Variants in ABCA5 observed in about 807,000 individuals in gnomAD.
ABCA5 encodes cholesterol transporter ABCA5.
Under a neutral mutation model 206.0 loss-of-function variants are expected in ABCA5, and 163 were observed. The observed-to-expected ratio is 0.79, with a 90% CI of 0.70 to 0.90. The LOEUF (loss-of-function observed/expected upper bound fraction) is 0.90, where lower values mean the gene tolerates loss of function less well. ABCA5 is among the 40% of genes least tolerant of loss of function. The probability of loss-of-function intolerance (pLI) is 0.00; values close to 1 mark genes in which losing one functional copy is unlikely to be tolerated. For missense variants in ABCA5, 1,859 were observed against 1,912.9 expected, an observed-to-expected ratio of 0.97 and a Z score of 0.53; for synonymous variants, 609 against 613.8, an observed-to-expected ratio of 0.99 and a Z score of 0.11.
chr17:69,269,377 T>C (rs1361579333), intron 22 of ABCA5, among the ~76,000 whole-genome samples: 2 of 152,310 alleles, frequency 1.3e-5, no homozygotes, highest in South Asian at 2.1e-4. Context: ...ATTTGGATAG[T>C]AGGTGGTTCG....
At position 69,297,336 on chromosome 17, in the gene ABCA5, A is replaced by T. The variant is rs764428679; in HGVS notation, c.1291T>A (p.Ser431Thr). 6.2e-7 allele frequency: 1 copy of T among 1,602,940 alleles called. No individual in the cohort carries two copies. Among genetic ancestry groups the T allele is most frequent in the Non-Finnish European group, 8.5e-7 (1 of 1,177,334 alleles). Residue 431 changes from serine to threonine, a missense_variant, in exon 10 of 39, where the codon TCT becomes ACT. Transcript: ENST00000392676. ...TATGAAGGCTTCAGAAAATATAAAGATGATCTCCGTAAGCCAAATTCCCCT... is the reference window on the plus strand; with the variant it reads ...TATGAAGGCTTCAGAAAATATAAAGTTGATCTCCGTAAGCCAAATTCCCCT... ...IPGEFGLRRS[S>T]LYFLKPSYWS...
chr17:69,305,123 C>G (rs1196820113), intron 6 of ABCA5, among the ~76,000 whole-genome samples: 2 of 152,088 alleles, frequency 1.3e-5, no homozygotes, highest in Non-Finnish European at 2.9e-5. Flanking sequence ...CACACAATGT[C>G]TCTGATTTTC....
At chr17:69,290,876 T>C (rs982623636) in intron 12 of ABCA5, among the ~76,000 whole-genome samples, 12 of 152,272 alleles carry the variant, frequency 7.9e-5, no homozygotes, top group Middle Eastern at 3.4e-3. Context: ...ATTTAGATAT[T>C]TGTGTTTATT....
At chr17:69,314,503 A>C in intron 1 of ABCA5, 73 bp from the exon 2 acceptor site, 1 of 878,264 alleles carries the variant, frequency 1.1e-6, no homozygotes, top group Non-Finnish European at 1.9e-6. Flanking sequence ...TAACGGCAAA[A>C]TAAGCAGCTG....
intron 10 of ABCA5, among the ~76,000 whole-genome samples, 159 bp downstream of exon 10, chr17:69,297,032 G>C (rs2075590868): frequency 6.6e-6 from 1 of 152,014 alleles, no homozygotes; most frequent in Admixed American, 6.6e-5. Flanking sequence ...TGGTTGCAAA[G>C]AAAATAAGAA....
intron 1 of ABCA5, among the ~76,000 whole-genome samples, chr17:69,319,619 A>G (rs2075846515): frequency 6.6e-6 from 1 of 152,210 alleles, no homozygotes; most frequent in Non-Finnish European, 1.5e-5. Flanking sequence ...AGTCAAGGAA[A>G]CTGAATTACA....
chr17:69,293,865 TGTGTGTGCGTG>T (rs1567771833), intron 11 of ABCA5, among the ~76,000 whole-genome samples: 1 of 90,586 alleles, frequency 1.1e-5, no homozygotes, highest in Non-Finnish European at 2.5e-5. Flanking sequence ...TGTGTGTGTG[TGTGTGTGCGTG>T]TGTGTGTGTT....
At chr17:69,281,987 A>AT (rs2144963111) in intron 18 of ABCA5, among the ~76,000 whole-genome samples, 1 of 152,194 alleles carries the variant, frequency 6.6e-6, no homozygotes, top group East Asian at 1.9e-4. Context: ...CACTACAAAC[A>AT]TTTTGCTAAC....
intron 11 of ABCA5, 123 bp downstream of exon 11, chr17:69,294,530 TAA>T: frequency 1.1e-6 from 1 of 902,996 alleles, no homozygotes; most frequent in Admixed American, 2.5e-5. Context: ...TCAAAAAAAA[TAA>T]AATAAAATAA....
At chr17:69,249,581 A>G in intron 37 of ABCA5, 1 of 283,820 alleles carries the variant, frequency 3.5e-6, no homozygotes, top group Non-Finnish European at 6.6e-6. Context: ...CATAGATGCA[A>G]TGTGATAAAC....
intron 20 of ABCA5, among the ~76,000 whole-genome samples, chr17:69,272,126 G>A (rs477178): frequency 0.95 from 144,792 of 152,192 alleles, 69,299 homozygotes; most frequent in East Asian, 1. Context: ...CACAGCACTA[G>A]ATCTCAGTGT....
chr17:69,292,402 T>A (rs573005762), intron 11 of ABCA5, among the ~76,000 whole-genome samples: 1 of 152,354 alleles, frequency 6.6e-6, no homozygotes, highest in Non-Finnish European at 1.5e-5. Context: ...TAATTTCCAA[T>A]TATGTGTTGG....
Position 69,263,049 on chromosome 17 carries a change from CTGTT to C in ABCA5, c.3316-1305_3316-1302del, listed in dbSNP as rs768805413. Among the ~76,000 whole-genome samples the C allele has an allele frequency of 1.8e-4, 28 of 152,218 alleles. 1 individual carries two copies. In the East Asian group the frequency reaches 3.9e-3, roughly 21 times the overall value. The stretch of plus-strand genomic sequence containing the variant: ...TTGCATGTCTTCTTTTGAGAAGTGT[CTGTT>C]CATATCTTTTGCCCACTTTTTAATG... On this transcript the variant is annotated intron_variant, in intron 24 of 38. Coordinates refer to ENST00000392676, the MANE Select transcript of ABCA5 (RefSeq NM_172232.4).
intron 15 of ABCA5, 47 bp downstream of exon 15, chr17:69,287,566 C>G (rs1255453242): frequency 7.6e-6 from 12 of 1,576,782 alleles, no homozygotes; most frequent in Non-Finnish European, 9.5e-6. Context: ...ATCCATCTTC[C>G]TTTTGGCCCA....
intron 23 of ABCA5, among the ~76,000 whole-genome samples, chr17:69,265,961 A>T (rs1245512824): frequency 6.6e-6 from 1 of 152,224 alleles, no homozygotes; most frequent in East Asian, 1.9e-4. Flanking sequence ...TGATGTTTAC[A>T]CAAAACCTGT....
chr17:69,302,602 C>T (rs534293774), intron 8 of ABCA5, 116 bp downstream of exon 8: 17 of 609,190 alleles, frequency 2.8e-5, no homozygotes, highest in Non-Finnish European at 4.2e-5. Flanking sequence ...CTTCCTCATG[C>T]TAAAATTTTA....
At chr17:69,293,278 T>C (rs929167851) in intron 11 of ABCA5, among the ~76,000 whole-genome samples, 15 of 152,166 alleles carry the variant, frequency 9.9e-5, no homozygotes, top group Middle Eastern at 3.4e-3. Context: ...GTCCCAAAAA[T>C]CTGTAGGGCA....
intron 10 of ABCA5, among the ~76,000 whole-genome samples, chr17:69,296,298 T>G (rs917195764): frequency 5.3e-5 from 8 of 152,208 alleles, no homozygotes; most frequent in Middle Eastern, 3.2e-3. Flanking sequence ...TATTTTGACT[T>G]TCTCTGGAAT....
intron 3 of ABCA5, among the ~76,000 whole-genome samples, chr17:69,312,866 T>C (rs1462296074): frequency 2.6e-5 from 4 of 152,138 alleles, no homozygotes; most frequent in African/African-American, 9.7e-5. Flanking sequence ...AAGAATTAAA[T>C]ATAAAAGTAC....
Sources: allele counts gnomAD v4.1 joint callset (sites outside exome capture counted in the v4.1 genomes callset), GRCh38; gene constraint gnomAD v4.1.1; transcripts MANE v1.5; gene names NCBI Gene and HGNC (gene_info 2026-07-23, HGNC 2026-07-21).